The following DYNC1I1 variants were observed in gnomAD, a reference collection of about 807,000 sequenced individuals.
DYNC1I1 encodes dynein cytoplasmic 1 intermediate chain 1.
Under a neutral mutation model 86.6 loss-of-function variants are expected in DYNC1I1, and 43 were observed. The ratio of observed to expected loss-of-function variants is 0.50; its 90% CI spans 0.39 to 0.64. DYNC1I1 has a LOEUF of 0.64. Ranked by LOEUF, DYNC1I1 falls within the 30% of genes least tolerant of loss-of-function variation. The pLI is 0.00. For missense variants in DYNC1I1, 604 were observed against 788.8 expected, an observed-to-expected ratio of 0.77 and a Z score of 2.81; for synonymous variants, 262 against 283.7, an observed-to-expected ratio of 0.92 and a Z score of 0.77.
At position 95,971,593 on chromosome 7, in the gene DYNC1I1, C is replaced by T. The variant is rs77635673; in HGVS notation, c.491-5919C>T. Among the ~76,000 whole-genome samples the T allele has an allele frequency of 1.8e-3, 276 of 152,310 alleles. 1 individual carries two copies. Among genetic ancestry groups the T allele is most frequent in the Non-Finnish European group, 3.0e-3 (201 of 68,034 alleles). ...TAGTAAGCTTGATTTAGAATTGCCT[C>T]TGTGTCCTTGCCAGTTTACATCTTG... On this transcript the variant is annotated intron_variant, in intron 6 of 16. Coordinates refer to ENST00000447467, the MANE Select transcript of DYNC1I1 (RefSeq NM_001135556.2).
intron 6 of DYNC1I1, among the ~76,000 whole-genome samples, chr7:95,916,471 T>G (rs1791470520): frequency 6.6e-6 from 1 of 152,196 alleles, no homozygotes; most frequent in Non-Finnish European, 1.5e-5. Flanking sequence ...TTGAATATGT[T>G]TATTTATAAA....
At chr7:95,847,359 T>C in intron 5 of DYNC1I1, among the ~76,000 whole-genome samples, 1 of 152,186 alleles carries the variant, frequency 6.6e-6, no homozygotes, top group Middle Eastern at 3.4e-3. Flanking sequence ...TATCCTAGAT[T>C]CGGTTTTGTT....
intron 6 of DYNC1I1, among the ~76,000 whole-genome samples, chr7:95,899,458 A>C (rs560858485): frequency 6.6e-6 from 1 of 152,230 alleles, no homozygotes; most frequent in African/African-American, 2.4e-5. Flanking sequence ...GTTTCCCCAT[A>C]CTGGGCACCC....
At chr7:95,884,295 A>G (rs1790534672) in intron 6 of DYNC1I1, among the ~76,000 whole-genome samples, 2 of 152,234 alleles carry the variant, frequency 1.3e-5, no homozygotes, top group South Asian at 4.1e-4. Flanking sequence ...AAGAATTTCC[A>G]GGACATGGAA....
At chr7:96,080,934 G>A (rs944459788) in intron 16 of DYNC1I1, among the ~76,000 whole-genome samples, 1 of 151,924 alleles carries the variant, frequency 6.6e-6, no homozygotes, top group Non-Finnish European at 1.5e-5. Context: ...GTCGGGCATG[G>A]TGGCAGGCAC....
chr7:95,991,963 C>T (rs1002712058), intron 9 of DYNC1I1, among the ~76,000 whole-genome samples: 3 of 152,120 alleles, frequency 2.0e-5, no homozygotes, highest in African/African-American at 7.2e-5. Context: ...TGGGTTCAAG[C>T]GTTCTCGTGC....
chr7:96,008,456 A>G (rs925663012), intron 10 of DYNC1I1, among the ~76,000 whole-genome samples: 17 of 152,188 alleles, frequency 1.1e-4, no homozygotes, highest in Admixed American at 9.2e-4. Context: ...ACCCCTACTG[A>G]AGAATGAAAA....
chr7:95,883,746 C>A (rs1790517567), intron 6 of DYNC1I1, among the ~76,000 whole-genome samples: 2 of 151,948 alleles, frequency 1.3e-5, no homozygotes, highest in South Asian at 4.2e-4. Context: ...ATATGGATAC[C>A]AATAATATGT....
intron 16 of DYNC1I1, among the ~76,000 whole-genome samples, chr7:96,086,811 T>C (rs912000720): frequency 6.6e-6 from 1 of 151,924 alleles, no homozygotes; most frequent in Non-Finnish European, 1.5e-5. Flanking sequence ...AAACGAAAAA[T>C]CAAGAGAGAA....
intron 6 of DYNC1I1, among the ~76,000 whole-genome samples, chr7:95,968,232 T>A (rs1360213358): frequency 1.3e-5 from 2 of 151,672 alleles, no homozygotes; most frequent in Non-Finnish European, 2.9e-5. Context: ...AAGGGAGATG[T>A]GCAAAAGAAG....
chr7:96,057,505 G>A (rs1190965494), intron 14 of DYNC1I1, among the ~76,000 whole-genome samples: 1 of 152,158 alleles, frequency 6.6e-6, no homozygotes, highest in African/African-American at 2.4e-5. Context: ...ATACCATTTA[G>A]TAGTGGACTC....
intron 1 of DYNC1I1, among the ~76,000 whole-genome samples, chr7:95,780,613 A>T (rs1367770125): frequency 2.6e-5 from 4 of 151,882 alleles, no homozygotes; most frequent in African/African-American, 9.7e-5. Flanking sequence ...TAGATTGTTT[A>T]CTCTGACCTG....
intron 6 of DYNC1I1, among the ~76,000 whole-genome samples, chr7:95,878,134 A>G (rs971905452): frequency 3.9e-5 from 6 of 152,286 alleles, no homozygotes; most frequent in Middle Eastern, 3.4e-3. Flanking sequence ...ATATATTATC[A>G]AAGTCAATTT....
chr7:95,993,267 A>G (rs1793775351), intron 9 of DYNC1I1, among the ~76,000 whole-genome samples: 1 of 152,222 alleles, frequency 6.6e-6, no homozygotes, highest in African/African-American at 2.4e-5. Flanking sequence ...TATAGAAATT[A>G]TGCCAATGAC....
intron 6 of DYNC1I1, among the ~76,000 whole-genome samples, chr7:95,941,196 C>A (rs1456453209): frequency 1.3e-5 from 2 of 152,022 alleles, no homozygotes; most frequent in Non-Finnish European, 2.9e-5. Context: ...TGTGAGGTGT[C>A]AGTCTGCCCC....
At chr7:95,906,172 G>A (rs991349368) in intron 6 of DYNC1I1, among the ~76,000 whole-genome samples, 1 of 152,172 alleles carries the variant, frequency 6.6e-6, no homozygotes, top group African/African-American at 2.4e-5. Context: ...ATTTCTGGAA[G>A]CCTTCTCCTT....
intron 1 of DYNC1I1, among the ~76,000 whole-genome samples, chr7:95,802,515 C>T (rs1480786590): frequency 6.6e-6 from 1 of 152,100 alleles, no homozygotes; most frequent in Non-Finnish European, 1.5e-5. Flanking sequence ...AAGCAAATTC[C>T]ATTTTTATTT....
At chr7:95,932,819 T>C (rs547252388) in intron 6 of DYNC1I1, among the ~76,000 whole-genome samples, 4 of 152,236 alleles carry the variant, frequency 2.6e-5, no homozygotes, top group Admixed American at 2.6e-4. Flanking sequence ...GCATAAGACT[T>C]ACAGTAGCAC....
At chr7:96,100,395 CCTT>C (rs1791113202), downstream of DYNC1I1, among the ~76,000 whole-genome samples, 2 of 151,524 alleles carry the variant, frequency 1.3e-5, no homozygotes, top group Non-Finnish European at 2.9e-5. Context: ...TTCCTTCTTT[CCTT>C]CTTCTCCTCC....
Sources: allele counts gnomAD v4.1 joint callset (sites outside exome capture counted in the v4.1 genomes callset), GRCh38; gene constraint gnomAD v4.1.1; transcripts MANE v1.5; gene names NCBI Gene and HGNC (gene_info 2026-07-23, HGNC 2026-07-21).